The following ZC3H18 variants were observed in gnomAD, a reference collection of about 807,000 sequenced individuals.
ZC3H18 encodes zinc finger CCCH-type containing 18.
ZC3H18 carries 8 observed loss-of-function variants against 106.1 expected under a neutral mutation model. The observed-to-expected ratio is 0.08, with a 90% CI of 0.04 to 0.14. The LOEUF (loss-of-function observed/expected upper bound fraction) is 0.14, where lower values mean the gene tolerates loss of function less well. Among genes scored for constraint, ZC3H18 ranks in the 10% least tolerant of loss-of-function variants. The pLI, the probability that ZC3H18 is intolerant of heterozygous loss-of-function variation, is 1.00. For missense variants in ZC3H18, 1,318 were observed against 1,278.4 expected, an observed-to-expected ratio of 1.03 and a Z score of -0.47; for synonymous variants, 635 against 522.1, an observed-to-expected ratio of 1.22 and a Z score of -2.95.
intron 6 of ZC3H18, among the ~76,000 whole-genome samples, chr16:88,605,479 G>A (rs1904967963): frequency 6.6e-6 from 1 of 152,234 alleles, no homozygotes; most frequent in Non-Finnish European, 1.5e-5. Context: ...TGAGCTGCCT[G>A]GGACCCTCCT....
In ZC3H18 at chr16:88,622,321, T is replaced by C. The variant is rs1474878619; in HGVS notation, c.1600T>C (p.Ser534Pro). Residue 534 changes from serine (S) to proline (P), a missense_variant, in exon 9 of 18, where the codon TCC becomes CCC. By Grantham distance (74) the Ser-to-Pro change is moderately conservative. Transcript: ENST00000301011. ...CAAGAAGAAACTCGGGGTGTCGGTC[T>C]CCCCGAGCCGGGCTCGAAGGCGTCG... Reference protein sequence around the residue: ...SPKKKLGVSVSPSRARRRRKT... With the variant: ...SPKKKLGVSVPPSRARRRRKT... 6.2e-7 allele frequency: 1 copy of C among 1,613,660 alleles called. No individual in the cohort carries two copies. Among genetic ancestry groups the C allele is most frequent in the Admixed American group, 1.7e-5 (1 of 59,940 alleles).
In ZC3H18 at chr16:88,628,036, A is replaced by G; in HGVS notation, c.2386A>G (p.Thr796Ala). The stretch of plus-strand genomic sequence containing the variant: ...GGGGAAGTCCTCCCAGCAGCCCTCG[A>G]CACCCCAGCAGGCACCCCCCGGGCA... The part of the protein sequence containing the change: ...AGGKSSQQPS[T>A]PQQAPPGQPQ... Residue 796 changes from threonine to alanine, a missense_variant, in exon 15 of 18, where the codon ACA (threonine) becomes GCA (alanine). Physicochemically the swap from Thr to Ala is moderately conservative, Grantham distance 58. Around this residue, in one of 6 missense-constraint regions of ZC3H18, gnomAD observed 848 missense variants for 821.7 expected, o/e 1.03. Transcript: ENST00000301011. The G allele has an allele frequency of 1.9e-6, 3 of 1,614,102 alleles. No individual in the cohort carries two copies. Among genetic ancestry groups the G allele is most frequent in the Non-Finnish European group, 2.5e-6 (3 of 1,180,016 alleles).
intron 2 of ZC3H18, among the ~76,000 whole-genome samples, chr16:88,583,362 G>T (rs992896928): frequency 2.0e-5 from 3 of 152,230 alleles, no homozygotes; most frequent in Non-Finnish European, 4.4e-5. Flanking sequence ...ACTCAGGCGC[G>T]CTTGCTGAGC....
At position 88,598,057 on chromosome 16, in the gene ZC3H18, T is replaced by C. The variant is rs936248008; in HGVS notation, c.689-121T>C. 4 of 764,230 alleles carry C rather than the reference T, an allele frequency of 5.2e-6. No individual in the cohort carries two copies. The African/African-American group carries it at 5.5e-5, about 10-fold the overall frequency. The allele number at this position is 764,230 out of a possible 1,614,324, so 47.3% of individuals were successfully genotyped here. ...TCCCCGTTCAGTTCCCACTACTGTG[T>C]GGCTCGCCATCAGGCCTGGGTAAAC... is the stretch of plus-strand genomic sequence containing the variant. On this transcript the variant is annotated intron_variant, in intron 3 of 17. Transcript: ENST00000301011.
chr16:88,603,625 T>C (rs74985289), intron 6 of ZC3H18, among the ~76,000 whole-genome samples: 1 of 40,946 alleles, frequency 2.4e-5, no homozygotes, highest in Non-Finnish European at 4.6e-5. Context: ...CTCCGTCTCT[T>C]TTTTTTTTTT....
At chr16:88,598,023 C>G (rs758940669) in intron 3 of ZC3H18, among the ~76,000 whole-genome samples, 155 bp from the exon 4 acceptor site, 1 of 152,204 alleles carries the variant, frequency 6.6e-6, no homozygotes, top group African/African-American at 2.4e-5. Flanking sequence ...CAGGCTCATC[C>G]CGCCCACCTC....
Position 88,586,496 on chromosome 16 carries a change from A to G in ZC3H18, c.604-104A>G, listed in dbSNP as rs1226908722. Reference sequence around the variant, plus strand: ...TTGACGTGAATTCAATTCCTGTGACAATATCCAGGTTCCACACGCAGCTTC... The same window carrying G: ...TTGACGTGAATTCAATTCCTGTGACGATATCCAGGTTCCACACGCAGCTTC... On this transcript the variant is annotated intron_variant, in intron 2 of 17. Transcript: ENST00000301011. 10 of 909,782 alleles carry G rather than the reference A, an allele frequency of 1.1e-5. No individual in the cohort carries two copies. The South Asian group carries it at 1.2e-4, about 11-fold the overall frequency. The allele number at this position is 909,782 out of a possible 1,614,324, so 56.4% of individuals were successfully genotyped here.
intron 1 of ZC3H18, among the ~76,000 whole-genome samples, chr16:88,573,599 C>T (rs1361197098): frequency 6.6e-6 from 1 of 151,974 alleles, no homozygotes; most frequent in South Asian, 2.1e-4. Flanking sequence ...AATAAAAAGA[C>T]GAGGGTCTTA....
chr16:88,624,643 C>G lies in ZC3H18; in HGVS notation c.1940C>G (p.Pro647Arg). 1.9e-6 allele frequency: 3 copies of G among 1,613,984 alleles called. No homozygotes were observed. Among genetic ancestry groups the G allele is most frequent in the Non-Finnish European group, 1.7e-6 (2 of 1,180,002 alleles). Reference protein sequence around the residue: ...VKKPAPPPAPPQATKTTAPVP... With the variant: ...VKKPAPPPAPRQATKTTAPVP... ...AAGCCGGCCCCGCCTCCAGCCCCAC[C>G]ACAGGCCACCAAAACCACTGCTCCT... The change falls in exon 12 of 18, where the codon CCA becomes CGA. Residue 647 changes from proline (P) to arginine (R), a missense_variant. This residue lies in a region of ZC3H18 where 848 missense variants were observed against 821.7 expected (regional missense o/e 1.03). Transcript: ENST00000301011.
intron 3 of ZC3H18, among the ~76,000 whole-genome samples, chr16:88,592,037 C>T (rs1915787882): frequency 6.6e-6 from 1 of 152,372 alleles, no homozygotes. Context: ...TGCGGAGCCG[C>T]TGGCAGTGGA....
In ZC3H18 at chr16:88,623,073, G is replaced by A. The variant is rs1460733864; in HGVS notation, c.1668-146G>A. ...GGAGGCTGTATGCGTCTGTGCGCGCGTCTGCAGCTGTGCGCGCGTGCGCAG... is the reference window on the plus strand; with the variant it reads ...GGAGGCTGTATGCGTCTGTGCGCGCATCTGCAGCTGTGCGCGCGTGCGCAG... On this transcript the variant is annotated intron_variant, in intron 9 of 17. Transcript: ENST00000301011. The A allele has an allele frequency of 2.5e-5, 29 of 1,173,748 alleles. No homozygotes were observed. The Middle Eastern group carries it at 8.6e-4, about 35-fold the overall frequency. 72.7% of individuals were successfully genotyped at this position (1,173,748 alleles called of 1,614,324 possible). A position where few individuals can be genotyped will look rare whatever the true frequency, so the allele number is the denominator to read the frequency against.
rs1471101063 is a variant in ZC3H18, at chr16:88,577,090, C to G, written c.-14-20C>G. ...TTCCATTTTGCTAAAGGCTGTCAAT[C>G]TGTATTCTCTCTTTTGCAGAACCGT... is the stretch of plus-strand genomic sequence containing the variant. On this transcript the variant is annotated intron_variant, in intron 1 of 17. Transcript: ENST00000301011. 3 of 1,501,420 alleles carry G rather than the reference C, an allele frequency of 2.0e-6. No individual in the cohort carries two copies. The African/African-American group carries it at 4.2e-5, about 21-fold the overall frequency. 93.0% of individuals were successfully genotyped at this position (1,501,420 alleles called of 1,614,324 possible).
At chr16:88,576,970 A>C in intron 1 of ZC3H18, 140 bp from the exon 2 acceptor site, 1 of 779,222 alleles carries the variant, frequency 1.3e-6, no homozygotes, top group Non-Finnish European at 2.0e-6. Flanking sequence ...CTTTCTCTGC[A>C]GAGTGGAGTG....
rs762853557 is a variant in ZC3H18, at chr16:88,623,974, T to TCGTCCC, written c.1824_1829dup (p.Ser609_Pro610dup). Reference sequence around the variant, plus strand: ...CTCCCCTAGGTCCCGGTCCTTCTCTTCGTCCCCGTCCCCGTCCCCAACACC... The same window carrying TCGTCCC: ...CTCCCCTAGGTCCCGGTCCTTCTCTTCGTCCCCGTCCCCGTCCCCGTCCCCAACACC... On this transcript the variant is annotated inframe_insertion, in exon 11 of 18. Transcript: ENST00000301011. The TCGTCCC allele has an allele frequency of 8.5e-5, 137 of 1,612,434 alleles. No homozygotes were observed. Among genetic ancestry groups the TCGTCCC allele is most frequent in the Middle Eastern group, 1.6e-4 (1 of 6,070 alleles).
chr16:88,624,765 G>T lies in ZC3H18; in HGVS notation c.2042+20G>T. The T allele has an allele frequency of 6.3e-7, 1 of 1,598,922 alleles. No individual in the cohort carries two copies. Among genetic ancestry groups the T allele is most frequent in the East Asian group, 2.2e-5 (1 of 44,506 alleles). On this transcript the variant is annotated intron_variant, in intron 12 of 17. Coordinates refer to ENST00000301011, the MANE Select transcript of ZC3H18 (RefSeq NM_144604.4). ...CAGGAGGTGAGCACTCCGGCGTCCG[G>T]GGCCCTCAGGCTTTCCGTGTTCTTG... is the stretch of plus-strand genomic sequence containing the variant.
chr16:88,613,124 G>A (rs1328817624), intron 8 of ZC3H18, among the ~76,000 whole-genome samples: 1 of 152,204 alleles, frequency 6.6e-6, no homozygotes, highest in African/African-American at 2.4e-5. Context: ...TTGTAGAAAC[G>A]GAAGTGTGCA....
At chr16:88,624,331 C>A (rs1906156991) in intron 11 of ZC3H18, 1 of 654,284 alleles carries the variant, frequency 1.5e-6, no homozygotes. Context: ...CTTAAGGGGT[C>A]TTCCTATTAG....
At chr16:88,623,061 GTCTGTGCGCGCGTCTGCA>G in intron 9 of ZC3H18, 140 bp from the exon 10 acceptor site, 1 of 1,021,202 alleles carries the variant, frequency 9.8e-7, no homozygotes. Context: ...GGCTGTATGC[GTCTGTGCGCGCGTCTGCA>G]GCTGTGCGCG....
At chr16:88,598,062 C>G in intron 3 of ZC3H18, 116 bp from the exon 4 acceptor site, 3 of 769,036 alleles carry the variant, frequency 3.9e-6, no homozygotes, top group Non-Finnish European at 5.9e-6. Flanking sequence ...CTGTGTGGCT[C>G]GCCATCAGGC....
Sources: allele counts gnomAD v4.1 joint callset (sites outside exome capture counted in the v4.1 genomes callset), GRCh38; gene constraint gnomAD v4.1.1; regional missense constraint gnomAD v4.1.1; transcripts MANE v1.5; gene names NCBI Gene and HGNC (gene_info 2026-07-23, HGNC 2026-07-21).